Variants in HEATR6 observed in about 807,000 individuals in gnomAD.
HEATR6 encodes the protein HEAT repeat-containing protein 6.
Under a neutral mutation model 132.8 loss-of-function variants are expected in HEATR6, and 106 were observed. The observed-to-expected ratio is 0.80, with a 90% CI of 0.68 to 0.94. HEATR6 has a LOEUF of 0.94. Ranked by LOEUF, HEATR6 falls within the 40% of genes least tolerant of loss-of-function variation. HEATR6 has a pLI of 0.00. For missense variants in HEATR6, 1,339 were observed against 1,425.1 expected (o/e 0.94, Z 0.97); for synonymous variants, 529 against 537.8 (o/e 0.98, Z 0.23).
Position 60,043,579 on chromosome 17 carries a change from C to G in HEATR6, c.3530G>C (p.Gly1177Ala), listed in dbSNP as rs765911274. 8 of 1,612,298 alleles carry G rather than the reference C, an allele frequency of 5.0e-6. No homozygotes were observed. Among genetic ancestry groups the G allele is most frequent in the Non-Finnish European group, 5.9e-6 (7 of 1,178,588 alleles). ...DSSGSQGALPGLTNQ is the reference protein window; with the variant it reads ...DSSGSQGALPALTNQ ...GTGGGATCTTCACTGATTTGTTAAC[C>G]CTGGGAGTGCCCCTTGTGATCCAGA... The change falls in exon 20 of 20, where the codon GGG becomes GCG. Residue 1177 changes from glycine (G) to alanine (A), a missense_variant. Gly to Ala is a moderately conservative substitution (Grantham distance 60). Transcript: ENST00000184956.
chr17:60,043,249 C>G lies in HEATR6; in HGVS notation c.*314G>C. 1 of 310,754 alleles carries G rather than the reference C, an allele frequency of 3.2e-6. No homozygotes were observed. Among genetic ancestry groups the G allele is most frequent in the Non-Finnish European group, 6.0e-6 (1 of 166,666 alleles). The allele number at this position is 310,754 out of a possible 1,614,324, so 19.2% of individuals were successfully genotyped here. A position where few individuals can be genotyped will look rare whatever the true frequency, so the allele number is the denominator to read the frequency against. Reference sequence around the variant, plus strand: ...GATACAATACACAAAATTCTAATTCCGAAATCCTTCTACATTTTTTTTTTC... The same window carrying G: ...GATACAATACACAAAATTCTAATTCGGAAATCCTTCTACATTTTTTTTTTC... On this transcript the variant is annotated 3_prime_UTR_variant, in exon 20 of 20. Coordinates refer to ENST00000184956, the MANE Select transcript of HEATR6 (RefSeq NM_022070.5).
intron 9 of HEATR6, among the ~76,000 whole-genome samples, chr17:60,061,852 C>T (rs2083213826): frequency 6.6e-6 from 1 of 152,250 alleles, no homozygotes; most frequent in Non-Finnish European, 1.5e-5. Context: ...TATGCTAAAC[C>T]TTCATTTCTT....
At chr17:60,046,290 A>T in intron 18 of HEATR6, 61 bp from the exon 19 acceptor site, 1 of 1,382,190 alleles carries the variant, frequency 7.2e-7, no homozygotes, top group African/African-American at 1.5e-5. Flanking sequence ...CCAAAAGTCT[A>T]ATTTCAGCTT....
At chr17:60,066,520 A>G in intron 8 of HEATR6, 134 bp from the exon 9 acceptor site, 1 of 682,340 alleles carries the variant, frequency 1.5e-6, no homozygotes, top group Non-Finnish European at 2.3e-6. Flanking sequence ...AATAATTCCT[A>G]AAGATGTCAA....
Position 60,043,675 on chromosome 17 carries a change from G to T in HEATR6, c.3434C>A (p.Pro1145Gln). The change falls in exon 20 of 20, where the codon CCA becomes CAA. Residue 1145 changes from proline (P) to glutamine (Q), a missense_variant. Pro to Gln is a moderately conservative substitution (Grantham distance 76, BLOSUM62 -1). Coordinates refer to ENST00000184956, the MANE Select transcript of HEATR6 (RefSeq NM_022070.5). ...ALKHMGSIQA[P>Q]TGDTARRAIM... ...GGCCCTTCTGGCTGTGTCTCCAGTT[G>T]GTGCCTGGATGCTGCCCATGTGTTT... 8.7e-6 allele frequency: 14 copies of T among 1,614,130 alleles called. No individual in the cohort carries two copies. The highest frequency in any genetic ancestry group is 1.2e-5 in the Non-Finnish European group (14 of 1,180,022).
chr17:60,072,160 A>C (rs759717211), intron 5 of HEATR6, 55 bp downstream of exon 5: 3 of 818,318 alleles, frequency 3.7e-6, no homozygotes, highest in South Asian at 2.6e-5. Flanking sequence ...ACACTTTTCC[A>C]ATCTGCTTCT....
chr17:60,062,446 A>C (rs1192726494), intron 9 of HEATR6, among the ~76,000 whole-genome samples: 1 of 152,252 alleles, frequency 6.6e-6, no homozygotes, highest in Non-Finnish European at 1.5e-5. Context: ...AAAGCTAATA[A>C]AACAGAAAAG....
At position 60,072,253 on chromosome 17, in the gene HEATR6, G is replaced by A. The variant is rs749537585; in HGVS notation, c.661C>T (p.Pro221Ser). 1 of 1,607,442 alleles carries A rather than the reference G, an allele frequency of 6.2e-7. No individual in the cohort carries two copies. Among genetic ancestry groups the A allele is most frequent in the South Asian group, 1.1e-5 (1 of 90,302 alleles). Residue 221 changes from proline (P) to serine (S), a missense_variant, in exon 5 of 20, where the codon CCA (proline) becomes TCA (serine). Physicochemically the swap from Pro to Ser is moderately conservative, Grantham distance 74. Transcript: ENST00000184956. Reference protein sequence around the residue: ...FQAFLTILQSPKSSDMDDITF... With the variant: ...FQAFLTILQSSKSSDMDDITF... ...ATATCATCCATATCAGATGATTTTG[G>A]AGACTGTAAAATAGTCAGAAAAGCT...
At chr17:60,048,983 AATATATATATATATATATATATAT>A (rs35114523) in intron 16 of HEATR6, among the ~76,000 whole-genome samples, 2 of 69,580 alleles carry the variant, frequency 2.9e-5, no homozygotes, top group African/African-American at 9.1e-5. Flanking sequence ...ATATATATAT[AATATATATATATATATATATATAT>A]ATATATATAT....
Position 60,059,507 on chromosome 17 carries a change from TA to T in HEATR6, c.1637del (p.Leu546Ter). The T allele has an allele frequency of 6.2e-7, 1 of 1,612,130 alleles. No individual in the cohort carries two copies. The highest frequency in any genetic ancestry group is 8.5e-7 in the Non-Finnish European group (1 of 1,178,840). On this transcript the variant is annotated frameshift_variant, in exon 11 of 20. Coordinates refer to ENST00000184956, the MANE Select transcript of HEATR6 (RefSeq NM_022070.5). ...GACGATCATAAGGTGCATTTGATAC[TA>T]AATTTGCAAGGCACTGTAAAACACA... ...VTQIIKCLANLVSNAPYDRLK... is the reference protein window; with the variant it reads ...VTQIIKCLANXVSNAPYDRLK...
intron 14 of HEATR6, among the ~76,000 whole-genome samples, chr17:60,053,226 C>T (rs1906641180): frequency 6.6e-6 from 1 of 152,192 alleles, no homozygotes; most frequent in Non-Finnish European, 1.5e-5. Context: ...CCTCTCTCGC[C>T]ATGTGACACA....
intron 9 of HEATR6, among the ~76,000 whole-genome samples, chr17:60,062,406 T>G (rs2145192987): frequency 6.6e-6 from 1 of 152,344 alleles, no homozygotes. Flanking sequence ...TAGTGTATAG[T>G]TTCACCTCCT....
chr17:60,045,973 G>A (rs1363292351), intron 19 of HEATR6, 52 bp downstream of exon 19: 48 of 1,260,054 alleles, frequency 3.8e-5, no homozygotes, highest in Non-Finnish European at 2.3e-6. Flanking sequence ...AACGTAGATT[G>A]GTGTGTGTCC....
intron 9 of HEATR6, 53 bp downstream of exon 9, chr17:60,066,156 G>A: frequency 2.1e-6 from 3 of 1,408,504 alleles, no homozygotes; most frequent in Non-Finnish European, 3.0e-6. Flanking sequence ...TAACAATAAG[G>A]ATCTGTAAAT....
intron 9 of HEATR6, among the ~76,000 whole-genome samples, 170 bp from the exon 10 acceptor site, chr17:60,060,266 T>TAA (rs11442461): frequency 2.6e-5 from 4 of 151,290 alleles, no homozygotes; most frequent in African/African-American, 9.7e-5. Flanking sequence ...GTCCCACACC[T>TAA]AAAAAAAAAT....
In HEATR6 at chr17:60,048,368, G is replaced by A. The variant is rs775181342; in HGVS notation, c.2568C>T (p.Asp856=). 2.0e-5 allele frequency: 33 copies of A among 1,611,380 alleles called. No individual in the cohort carries two copies. Among genetic ancestry groups the A allele is most frequent in the South Asian group, 1.8e-4 (16 of 90,852 alleles). ...CLRQDVIFVA[D]AANAILMSLE... ...GTGACATCAATATTGCATTTGCTGC[G>A]TCTGCAACAAATATGACATCCTGTA... The change falls in exon 17 of 20, where the codon GAC becomes GAT. Residue 856 remains aspartate, a synonymous_variant. Transcript: ENST00000184956.
At chr17:60,055,649 G>T (rs1438875479) in intron 13 of HEATR6, 48 bp from the exon 14 acceptor site, 1 of 1,339,508 alleles carries the variant, frequency 7.5e-7, no homozygotes, top group Non-Finnish European at 1.1e-6. Flanking sequence ...ACTAATGAAT[G>T]ACTTCACTTG....
At chr17:60,047,941 C>CT (rs1290267177) in intron 17 of HEATR6, among the ~76,000 whole-genome samples, 1 of 152,090 alleles carries the variant, frequency 6.6e-6, no homozygotes, top group Non-Finnish European at 1.5e-5. Flanking sequence ...GAATATACTA[C>CT]TTTAAGAAAT....
chr17:60,050,779 G>T, intron 15 of HEATR6, 64 bp downstream of exon 15: 1 of 1,586,634 alleles, frequency 6.3e-7, no homozygotes, highest in Non-Finnish European at 8.6e-7. Context: ...AAATGCAAAA[G>T]CATCAAATTC....
Sources: allele counts gnomAD v4.1 joint callset (sites outside exome capture counted in the v4.1 genomes callset), GRCh38; gene constraint gnomAD v4.1.1; transcripts MANE v1.5; gene names NCBI Gene and HGNC (gene_info 2026-07-23, HGNC 2026-07-21).